BMP6: variants seen among roughly 807,000 people sequenced by gnomAD.
The protein encoded by BMP6 is bone morphogenetic protein 6.
Under a neutral mutation model 54.1 loss-of-function variants are expected in BMP6, and 17 were observed. The observed-to-expected ratio is 0.31, with a 90% CI of 0.22 to 0.47. BMP6 has a LOEUF of 0.47. Ranked by LOEUF, BMP6 falls within the 20% of genes least tolerant of loss-of-function variation. The pLI, the probability that BMP6 is intolerant of heterozygous loss-of-function variation, is 1.00. For missense variants in BMP6, 720 were observed against 690.4 expected, an observed-to-expected ratio of 1.04 and a Z score of -0.48; for synonymous variants, 328 against 291.2, an observed-to-expected ratio of 1.13 and a Z score of -1.28.
intron 1 of BMP6, among the ~76,000 whole-genome samples, chr6:7,787,923 T>C (rs2113178308): frequency 6.6e-6 from 1 of 152,330 alleles, no homozygotes; most frequent in African/African-American, 2.4e-5. Flanking sequence ...TTTCACCTTC[T>C]GAATTGCTGA....
chr6:7,824,503 A>T (rs954232838), intron 1 of BMP6, among the ~76,000 whole-genome samples: 7 of 152,234 alleles, frequency 4.6e-5, no homozygotes, highest in African/African-American at 1.7e-4. Context: ...TCTCAAGGAT[A>T]TCAAAGGGGA....
At chr6:7,856,659 G>C (rs980535452) in intron 2 of BMP6, among the ~76,000 whole-genome samples, 1 of 133,508 alleles carries the variant, frequency 7.5e-6, no homozygotes, top group Non-Finnish European at 1.6e-5. Context: ...TGCAGTGGCG[G>C]GATCTCGGCT....
chr6:7,809,823 G>T (rs73381657), intron 1 of BMP6, among the ~76,000 whole-genome samples: 1 of 152,114 alleles, frequency 6.6e-6, no homozygotes. Context: ...TAGCCTCATC[G>T]GTTTGAATGC....
intron 1 of BMP6, among the ~76,000 whole-genome samples, chr6:7,784,477 A>G (rs937323975): frequency 6.6e-6 from 1 of 152,152 alleles, no homozygotes; most frequent in East Asian, 1.9e-4. Flanking sequence ...GGATCACGTG[A>G]TAGTAAAGTG....
rs946195677 is a variant in BMP6, at chr6:7,773,808, T to C, written c.664+46189T>C. 7.9e-5 allele frequency among the ~76,000 whole-genome samples: 12 copies of C among 152,202 alleles called. 1 individual carries two copies. The South Asian group carries it at 2.5e-3, about 31-fold the overall frequency. Reference sequence around the variant, plus strand: ...TTCCACGCGTTTACTACCTGACTTTTGGTCATCTTGTTTAGGCTAGGGTTA... The same window carrying C: ...TTCCACGCGTTTACTACCTGACTTTCGGTCATCTTGTTTAGGCTAGGGTTA... On this transcript the variant is annotated intron_variant, in intron 1 of 6. Coordinates refer to ENST00000283147, the MANE Select transcript of BMP6 (RefSeq NM_001718.6).
chr6:7,786,028 C>T (rs779999062), intron 1 of BMP6, among the ~76,000 whole-genome samples: 10 of 152,158 alleles, frequency 6.6e-5, no homozygotes, highest in Non-Finnish European at 1.3e-4. Context: ...AACGAATGTG[C>T]CCCTGAAGAG....
At chr6:7,832,949 G>A (rs1758814408) in intron 1 of BMP6, among the ~76,000 whole-genome samples, 2 of 151,856 alleles carry the variant, frequency 1.3e-5, no homozygotes, top group South Asian at 4.2e-4. Flanking sequence ...GAGGGACGAG[G>A]GTGGGAGGTG....
chr6:7,777,304 T>C (rs1400124611), intron 1 of BMP6, among the ~76,000 whole-genome samples: 6 of 152,196 alleles, frequency 3.9e-5, no homozygotes, highest in African/African-American at 1.4e-4. Context: ...TTAACAGACG[T>C]GCACATTCAG....
chr6:7,740,571 A>G (rs547586116), intron 1 of BMP6, among the ~76,000 whole-genome samples: 2 of 152,206 alleles, frequency 1.3e-5, no homozygotes, highest in East Asian at 3.9e-4. Context: ...CTGTACTCTC[A>G]TTGCAAGCTG....
At chr6:7,866,966 G>T (rs1247929469) in intron 4 of BMP6, among the ~76,000 whole-genome samples, 1 of 152,176 alleles carries the variant, frequency 6.6e-6, no homozygotes, top group Non-Finnish European at 1.5e-5. Flanking sequence ...CTCCTCCCGG[G>T]TTCAAGCGAT....
chr6:7,759,149 G>A (rs1409469253), intron 1 of BMP6, among the ~76,000 whole-genome samples: 2 of 152,162 alleles, frequency 1.3e-5, no homozygotes, highest in Non-Finnish European at 2.9e-5. Context: ...CAATGAATCA[G>A]GAGATGATTC....
At chr6:7,740,849 A>C (rs1561756122) in intron 1 of BMP6, among the ~76,000 whole-genome samples, 1 of 152,044 alleles carries the variant, frequency 6.6e-6, no homozygotes, top group Non-Finnish European at 1.5e-5. Context: ...TTCCCTGCAG[A>C]AGGTCTTTAT....
At chr6:7,841,424 C>T (rs141490561) in intron 1 of BMP6, among the ~76,000 whole-genome samples, 4 of 152,326 alleles carry the variant, frequency 2.6e-5, no homozygotes, top group South Asian at 2.1e-4. Context: ...TGAATTGCTG[C>T]GCTCATTGGA....
At chr6:7,770,661 G>C (rs1757769372) in intron 1 of BMP6, among the ~76,000 whole-genome samples, 2 of 152,156 alleles carry the variant, frequency 1.3e-5, no homozygotes, top group Admixed American at 1.3e-4. Flanking sequence ...TGAACCTTTT[G>C]ATTCTGTACA....
At chr6:7,856,665 C>T (rs1022621199) in intron 2 of BMP6, among the ~76,000 whole-genome samples, 1 of 128,238 alleles carries the variant, frequency 7.8e-6, no homozygotes, top group African/African-American at 3.0e-5. Flanking sequence ...GGCGGGATCT[C>T]GGCTCACTGC....
At chr6:7,752,537 G>A (rs1757441724) in intron 1 of BMP6, among the ~76,000 whole-genome samples, 1 of 140,528 alleles carries the variant, frequency 7.1e-6, no homozygotes, top group Non-Finnish European at 1.5e-5. Context: ...CGTACCTCAT[G>A]TTATTATGGA....
intron 1 of BMP6, among the ~76,000 whole-genome samples, chr6:7,828,546 T>C (rs1345407838): frequency 6.6e-6 from 1 of 152,272 alleles, no homozygotes; most frequent in Non-Finnish European, 1.5e-5. Flanking sequence ...TTCAAGTGTC[T>C]GTCCCTTGCT....
At chr6:7,846,928 G>C (rs1007402001) in intron 2 of BMP6, among the ~76,000 whole-genome samples, 2 of 152,064 alleles carry the variant, frequency 1.3e-5, no homozygotes, top group African/African-American at 2.4e-5. Flanking sequence ...GAAATATATT[G>C]GGAATATATG....
intron 2 of BMP6, among the ~76,000 whole-genome samples, chr6:7,859,513 T>A (rs531944952): frequency 6.6e-6 from 1 of 152,222 alleles, no homozygotes; most frequent in Admixed American, 6.5e-5. Flanking sequence ...CCGTGCTTCC[T>A]CTGGGACCGG....
Sources: gnomAD v4.1 joint callset for allele counts (sites outside exome capture counted in the v4.1 genomes callset) on GRCh38, gnomAD v4.1.1 for gene constraint, MANE v1.5 for transcripts, NCBI Gene and HGNC (gene_info 2026-07-23, HGNC 2026-07-21) for gene names.